The following COL23A1 variants were observed in gnomAD, a reference collection of about 807,000 sequenced individuals.
COL23A1 encodes the protein collagen type XXIII alpha 1 chain.
COL23A1 carries 97 observed loss-of-function variants against 99.3 expected under a neutral mutation model. The ratio of observed to expected loss-of-function variants is 0.98; its 90% CI spans 0.83 to 1.16. The LOEUF (loss-of-function observed/expected upper bound fraction) is 1.16. Ranked by LOEUF, COL23A1 falls within the 50% of genes most tolerant of loss-of-function variation. COL23A1 has a pLI of 0.00. For missense variants in COL23A1, 762 were observed against 757.4 expected (o/e 1.01, Z -0.07); for synonymous variants, 320 against 308.2 (o/e 1.04, Z -0.40).
chr5:178,346,364 G>A (rs1760972899), intron 2 of COL23A1, among the ~76,000 whole-genome samples: 1 of 152,124 alleles, frequency 6.6e-6, no homozygotes, highest in East Asian at 1.9e-4. Flanking sequence ...CTCCCCAGTA[G>A]CTGGGATTTC....
chr5:178,316,786 T>C (rs1396816644), intron 2 of COL23A1, among the ~76,000 whole-genome samples: 3 of 151,808 alleles, frequency 2.0e-5, no homozygotes, highest in Admixed American at 6.6e-5. Flanking sequence ...AACAAACTAA[T>C]AATAACAGTA....
At chr5:178,519,940 A>C (rs1165654589) in intron 2 of COL23A1, among the ~76,000 whole-genome samples, 1 of 152,026 alleles carries the variant, frequency 6.6e-6, no homozygotes, top group African/African-American at 2.4e-5. Flanking sequence ...TGGTTGGATG[A>C]AAGGATGATG....
chr5:178,477,839 G>A (rs1422650231), intron 2 of COL23A1, among the ~76,000 whole-genome samples: 1 of 152,196 alleles, frequency 6.6e-6, no homozygotes, highest in Non-Finnish European at 1.5e-5. Flanking sequence ...GTGCTAATGG[G>A]TGAAGTCTGC....
At chr5:178,421,209 T>A (rs747851653) in intron 2 of COL23A1, among the ~76,000 whole-genome samples, 3 of 152,172 alleles carry the variant, frequency 2.0e-5, no homozygotes, top group Non-Finnish European at 4.4e-5. Context: ...TTTGGAGATA[T>A]AGGTTGACCT....
At chr5:178,513,404 G>A (rs1759324055) in intron 2 of COL23A1, among the ~76,000 whole-genome samples, 1 of 152,240 alleles carries the variant, frequency 6.6e-6, no homozygotes, top group Non-Finnish European at 1.5e-5. Context: ...AAGCAGCAGA[G>A]AGGATCTGAA....
chr5:178,262,776 T>C (rs1765705472), intron 9 of COL23A1, among the ~76,000 whole-genome samples: 1 of 152,088 alleles, frequency 6.6e-6, no homozygotes, highest in Non-Finnish European at 1.5e-5. Flanking sequence ...GGACTGGGAT[T>C]GCAACTAAGG....
chr5:178,515,378 CA>C (rs1759445257), intron 2 of COL23A1, among the ~76,000 whole-genome samples: 1 of 152,224 alleles, frequency 6.6e-6, no homozygotes, highest in Admixed American at 6.5e-5. Context: ...AGGGTCCGCC[CA>C]GGGGCAGCAC....
intron 2 of COL23A1, among the ~76,000 whole-genome samples, chr5:178,484,006 C>T (rs1251908232): frequency 2.0e-5 from 3 of 151,992 alleles, no homozygotes; most frequent in Non-Finnish European, 2.9e-5. Context: ...GGCATGATCT[C>T]GGCTCTCTGC....
At chr5:178,394,399 C>A (rs565467796) in intron 2 of COL23A1, among the ~76,000 whole-genome samples, 59 of 152,326 alleles carry the variant, frequency 3.9e-4, no homozygotes, top group African/African-American at 1.4e-3. Flanking sequence ...GCAGCCCCAC[C>A]CCAGGAATGC....
intron 7 of COL23A1, among the ~76,000 whole-genome samples, chr5:178,268,030 C>T (rs1218110509): frequency 1.3e-5 from 2 of 152,254 alleles, no homozygotes; most frequent in Admixed American, 1.3e-4. Flanking sequence ...TGCCTCCCCA[C>T]GGCTCCCGCA....
rs566441113 is a variant in COL23A1, at chr5:178,521,530, G to A, written c.361+39152C>T. Among the ~76,000 whole-genome samples the A allele has an allele frequency of 7.4e-5, 11 of 148,952 alleles. No homozygotes were observed. The East Asian group carries it at 2.2e-3, about 30-fold the overall frequency. ...ATGGCGCCATTGCACTCCAGCCTGGGTGACAGAGCAAGACTCCATCTCAAA... is the reference window on the plus strand; with the variant it reads ...ATGGCGCCATTGCACTCCAGCCTGGATGACAGAGCAAGACTCCATCTCAAA... On this transcript the variant is annotated intron_variant, in intron 2 of 28. Transcript: ENST00000390654.
Position 178,248,492 on chromosome 5 carries a change from C to A in COL23A1, c.1150-238G>T, listed in dbSNP as rs2973755. On this transcript the variant is annotated intron_variant, in intron 19 of 28. Coordinates refer to ENST00000390654, the MANE Select transcript of COL23A1 (RefSeq NM_173465.4). ...TGTTTTCCTGGGGTGCAGGGAGCAA[C>A]CGGGGGCTGTGAAGCAAAGACCCCG... Among the ~76,000 whole-genome samples, 1,051 of 152,322 alleles carry A rather than the reference C, an allele frequency of 6.9e-3. 5 individuals carry two copies. The highest frequency in any genetic ancestry group is 0.012 in the Non-Finnish European group (823 of 68,014).
intron 3 of COL23A1, among the ~76,000 whole-genome samples, chr5:178,301,147 G>A (rs902591646): frequency 6.6e-6 from 1 of 152,132 alleles, no homozygotes; most frequent in African/African-American, 2.4e-5. Context: ...TAGGCTGGAT[G>A]ATATCAATTG....
intron 2 of COL23A1, among the ~76,000 whole-genome samples, chr5:178,332,182 A>C (rs2127647219): frequency 6.6e-6 from 1 of 152,276 alleles, no homozygotes; most frequent in South Asian, 2.1e-4. Flanking sequence ...CAGAGCTTGG[A>C]GTGGTCGTCT....
intron 2 of COL23A1, among the ~76,000 whole-genome samples, chr5:178,358,718 T>C (rs1272448496): frequency 7.0e-6 from 1 of 142,274 alleles, no homozygotes; most frequent in Admixed American, 7.0e-5. Context: ...TGTATGTGTG[T>C]ATGTGTATGT....
At chr5:178,477,953 C>G (rs898000851) in intron 2 of COL23A1, among the ~76,000 whole-genome samples, 2 of 152,144 alleles carry the variant, frequency 1.3e-5, no homozygotes, top group Non-Finnish European at 2.9e-5. Context: ...AAGGCAGGTG[C>G]CAGTTATCAG....
At chr5:178,315,625 G>C (rs1298215937) in intron 2 of COL23A1, among the ~76,000 whole-genome samples, 1 of 152,128 alleles carries the variant, frequency 6.6e-6, no homozygotes, top group Non-Finnish European at 1.5e-5. Flanking sequence ...GACGGGAAGG[G>C]GCAGGGCACG....
chr5:178,424,404 C>G (rs1251969737), intron 2 of COL23A1, among the ~76,000 whole-genome samples: 3 of 152,250 alleles, frequency 2.0e-5, no homozygotes, highest in African/African-American at 7.2e-5. Context: ...ACACACGGAA[C>G]AGCCAGGCTT....
intron 2 of COL23A1, among the ~76,000 whole-genome samples, chr5:178,461,397 A>C (rs1048527010): frequency 1.3e-5 from 2 of 152,236 alleles, no homozygotes; most frequent in Non-Finnish European, 2.9e-5. Context: ...TGCCATCCCC[A>C]GTGCCTCTAG....
Sources: gnomAD v4.1 joint callset for allele counts (sites outside exome capture counted in the v4.1 genomes callset) on GRCh38, gnomAD v4.1.1 for gene constraint, MANE v1.5 for transcripts, NCBI Gene and HGNC (gene_info 2026-07-23, HGNC 2026-07-21) for gene names.